The following TOP2B variants were observed in gnomAD, a reference collection of about 807,000 sequenced individuals.
TOP2B encodes the protein DNA topoisomerase 2-beta.
In TOP2B, 51 loss-of-function variants were observed where a neutral mutation model predicts 193.5. The observed-to-expected ratio is 0.26, with a 90% CI of 0.21 to 0.33. The LOEUF is 0.33. Ranked by LOEUF, TOP2B falls within the 10% of genes least tolerant of loss-of-function variation. The probability of loss-of-function intolerance (pLI) is 1.00; values close to 1 mark genes in which losing one functional copy is unlikely to be tolerated. For synonymous variants in TOP2B, 634 were observed against 635.7 expected (o/e 1.00, Z 0.04); for missense variants, 1,378 against 1,909.3 (o/e 0.72, Z 5.19).
chr3:25,615,226 C>A lies in TOP2B; in HGVS notation c.3570G>T (p.Ala1190=). ...SPSDLWKEDL[A]AFVEELDKVE... Reference sequence around the variant, plus strand: ...CTACATCCAGTTCTTCAACAAATGCCGCTAAATCCTCTTTCCAAAGATCTG... The same window carrying A: ...CTACATCCAGTTCTTCAACAAATGCAGCTAAATCCTCTTTCCAAAGATCTG... Residue 1190 remains alanine, a synonymous_variant, in exon 27 of 36, where the codon GCG becomes GCT. Transcript: ENST00000264331. 1 of 1,611,916 alleles carries A rather than the reference C, an allele frequency of 6.2e-7. No individual in the cohort carries two copies. The highest frequency in any genetic ancestry group is 8.5e-7 in the Non-Finnish European group (1 of 1,178,804).
chr3:25,634,129 A>ACC (rs1703036528), intron 7 of TOP2B, 115 bp from the exon 8 acceptor site: 1 of 721,088 alleles, frequency 1.4e-6, no homozygotes, highest in South Asian at 2.1e-5. Context: ...TTCTAAGTGC[A>ACC]CCGATCCAAA....
In TOP2B at chr3:25,636,035, T is replaced by G. The variant is rs2125385344; in HGVS notation, c.753A>C (p.Lys251Asn). The G allele has an allele frequency of 6.2e-7, 1 of 1,613,436 alleles. No individual in the cohort carries two copies. Among genetic ancestry groups the G allele is most frequent in the Non-Finnish European group, 8.5e-7 (1 of 1,179,546 alleles). Residue 251 changes from lysine (K) to asparagine (N), a missense_variant, in exon 7 of 36, where the codon AAA becomes AAC. Around this residue, in one of 9 missense-constraint regions of TOP2B, gnomAD observed 222 missense variants for 306.6 expected, o/e 0.72. Coordinates refer to ENST00000264331, the MANE Select transcript of TOP2B (RefSeq NM_001330700.2). ...QPDLSKFKME[K>N]LDKDIVALMT... ...TGAGGGCCACAATATCCTTGTCAAG[T>G]TTTTCCATCTTAAATTTGGACAGAT... is the stretch of plus-strand genomic sequence containing the variant.
chr3:25,653,926 A>G (rs1703671586), intron 1 of TOP2B, among the ~76,000 whole-genome samples: 1 of 152,218 alleles, frequency 6.6e-6, no homozygotes, highest in South Asian at 2.1e-4. Flanking sequence ...ATAAAAACAC[A>G]TAACAAACTA....
intron 1 of TOP2B, among the ~76,000 whole-genome samples, chr3:25,646,845 A>G (rs1469681387): frequency 6.6e-6 from 1 of 152,208 alleles, no homozygotes. Flanking sequence ...ATATATCCTC[A>G]GGAAACTCAA....
At chr3:25,648,405 C>G (rs1216078364) in intron 1 of TOP2B, among the ~76,000 whole-genome samples, 2 of 152,154 alleles carry the variant, frequency 1.3e-5, no homozygotes, top group African/African-American at 2.4e-5. Flanking sequence ...TTTGTGAGGT[C>G]TCAGGATTCT....
At chr3:25,640,799 C>T (rs998004510) in intron 4 of TOP2B, among the ~76,000 whole-genome samples, 2 of 147,590 alleles carry the variant, frequency 1.4e-5, no homozygotes, top group African/African-American at 2.5e-5. Flanking sequence ...GCTCTGTCGC[C>T]CAGGCTAGAG....
chr3:25,626,721 T>C, intron 17 of TOP2B, 47 bp from the exon 18 acceptor site: 2 of 1,532,520 alleles, frequency 1.3e-6, no homozygotes, highest in Non-Finnish European at 1.8e-6. Context: ...ACTGCATGAA[T>C]TCTAGTCTCT....
chr3:25,624,838 C>T (rs1168625882), intron 18 of TOP2B, 35 bp from the exon 19 acceptor site: 32 of 1,597,274 alleles, frequency 2.0e-5, no homozygotes, highest in Non-Finnish European at 2.6e-5. Flanking sequence ...AATGTTACTT[C>T]AAGATATAGT....
intron 18 of TOP2B, 192 bp from the exon 19 acceptor site, chr3:25,624,995 G>C: frequency 1.9e-6 from 1 of 513,582 alleles, no homozygotes; most frequent in Non-Finnish European, 3.5e-6. Flanking sequence ...CCATCTGCAG[G>C]TATATACTAA....
chr3:25,633,214 T>C (rs1703010990), intron 8 of TOP2B, among the ~76,000 whole-genome samples: 1 of 152,140 alleles, frequency 6.6e-6, no homozygotes, highest in South Asian at 2.1e-4. Context: ...CCTGTACTTC[T>C]AACGAACCTA....
In TOP2B at chr3:25,623,676, G is replaced by C; in HGVS notation, c.2566C>G (p.Arg856Gly). Reference sequence around the variant, plus strand: ...GGAATATACCACTCAGGCTCTACACGTTGATTATCATCATAAAGGAACTTA... The same window carrying C: ...GGAATATACCACTCAGGCTCTACACCTTGATTATCATCATAAAGGAACTTA... ...LLKFLYDDNQ[R>G]VEPEWYIPII... Residue 856 changes from arginine (R) to glycine (G), a missense_variant, in exon 21 of 36, where the codon CGT becomes GGT. Coordinates refer to ENST00000264331, the MANE Select transcript of TOP2B (RefSeq NM_001330700.2). 6.2e-7 allele frequency: 1 copy of C among 1,613,640 alleles called. No homozygotes were observed. The highest frequency in any genetic ancestry group is 1.3e-5 in the African/African-American group (1 of 74,990).
intron 35 of TOP2B, 73 bp downstream of exon 35, chr3:25,599,362 T>C: frequency 7.0e-7 from 1 of 1,431,876 alleles, no homozygotes; most frequent in Middle Eastern, 1.8e-4. Context: ...ACTATAGTCA[T>C]AAGCAAACTA....
chr3:25,639,159 C>A (rs1703186927), intron 4 of TOP2B, among the ~76,000 whole-genome samples: 1 of 151,886 alleles, frequency 6.6e-6, no homozygotes, highest in African/African-American at 2.4e-5. Flanking sequence ...TACTATGATT[C>A]CGTTTGTTAA....
intron 27 of TOP2B, among the ~76,000 whole-genome samples, 159 bp downstream of exon 27, chr3:25,615,046 C>A (rs1702469001): frequency 6.6e-6 from 1 of 151,914 alleles, no homozygotes; most frequent in South Asian, 2.1e-4. Flanking sequence ...ACAAGAAGTT[C>A]TTTATAACTT....
At position 25,612,564 on chromosome 3, in the gene TOP2B, A is replaced by G. The variant is rs749929449; in HGVS notation, c.3737T>C (p.Ile1246Thr). ...GCTGGCATCTGCCTTCATAGCTGTA[A>G]TTTCAGGAATTATTCTTCTGCCATA... ...SPYGRRIIPE[I>T]TAMKADASKK... is the part of the protein sequence containing the mutation. The change falls in exon 28 of 36, where the codon ATT becomes ACT. Residue 1246 changes from isoleucine to threonine, a missense_variant. Transcript: ENST00000264331. 9 of 1,612,404 alleles carry G rather than the reference A, an allele frequency of 5.6e-6. No individual in the cohort carries two copies. In the South Asian group the frequency reaches 9.9e-5, roughly 18 times the overall value.
intron 1 of TOP2B, among the ~76,000 whole-genome samples, chr3:25,646,007 G>A (rs930958672): frequency 6.6e-6 from 1 of 151,464 alleles, no homozygotes; most frequent in Non-Finnish European, 1.5e-5. Context: ...CTGACCTCAG[G>A]TGATCAGCCT....
chr3:25,628,794 A>T, intron 15 of TOP2B, 53 bp downstream of exon 15: 1 of 1,102,950 alleles, frequency 9.1e-7, no homozygotes, highest in Non-Finnish European at 1.3e-6. Context: ...GATTGCTTTC[A>T]TAAGAATACA....
chr3:25,634,059 A>G, intron 7 of TOP2B, 45 bp from the exon 8 acceptor site: 2 of 1,445,088 alleles, frequency 1.4e-6, no homozygotes, highest in South Asian at 2.5e-5. Flanking sequence ...TTACACTGGC[A>G]GCTCAAATAG....
rs539775865 is a variant in TOP2B, at chr3:25,627,570, C to A, written c.1907-274G>T. Among the ~76,000 whole-genome samples the A allele has an allele frequency of 2.0e-3, 304 of 151,730 alleles. No homozygotes were observed. The highest frequency in any genetic ancestry group is 7.1e-3 in the African/African-American group (295 of 41,368). ...ACCATCAGTTAACAGAAAATAAGGGCAAAGGAAAATACTATATATTAAATG... is the reference window on the plus strand; with the variant it reads ...ACCATCAGTTAACAGAAAATAAGGGAAAAGGAAAATACTATATATTAAATG... On this transcript the variant is annotated intron_variant, in intron 15 of 35. Transcript: ENST00000264331.
Sources: gnomAD v4.1 joint callset for allele counts (sites outside exome capture counted in the v4.1 genomes callset) on GRCh38, gnomAD v4.1.1 for gene constraint, gnomAD v4.1.1 regional missense constraint, MANE v1.5 for transcripts, NCBI Gene and HGNC (gene_info 2026-07-23, HGNC 2026-07-21) for gene names.